Variants in EFL1 observed in about 807,000 individuals in gnomAD.
The protein encoded by EFL1 is elongation factor like GTPase 1.
EFL1 carries 76 observed loss-of-function variants against 126.7 expected under a neutral mutation model. The ratio of observed to expected loss-of-function variants is 0.60; its 90% CI spans 0.50 to 0.73. The LOEUF is 0.73. Among genes scored for constraint, EFL1 ranks in the 30% least tolerant of loss-of-function variants. The probability of loss-of-function intolerance (pLI) is 0.00; values close to 1 mark genes in which losing one functional copy is unlikely to be tolerated. For synonymous variants in EFL1, 410 were observed against 448.4 expected (o/e 0.91, Z 1.08); for missense variants, 1,128 against 1,343.2 (o/e 0.84, Z 2.50).
rs186266246 is a variant in EFL1 at position 82,254,101 on chromosome 15, C to T, written c.160-1326G>A. Reference sequence around the variant, plus strand: ...AAAGCTTCCATTTCCACAGCTCTGGCAAAATCAAAGTCCTAAAAGCTATCA... The same window carrying T: ...AAAGCTTCCATTTCCACAGCTCTGGTAAAATCAAAGTCCTAAAAGCTATCA... On this transcript the variant is annotated intron_variant, in intron 3 of 19. Coordinates refer to ENST00000268206, the MANE Select transcript of EFL1 (RefSeq NM_024580.6). 3.0e-3 allele frequency among the ~76,000 whole-genome samples: 453 copies of T among 152,302 alleles called. 5 individuals carry two copies. The highest frequency in any genetic ancestry group is 0.01 in the African/African-American group (428 of 41,552).
At chr15:82,203,204 C>T (rs1294918541) in intron 15 of EFL1, among the ~76,000 whole-genome samples, 2 of 152,214 alleles carry the variant, frequency 1.3e-5, no homozygotes, top group African/African-American at 4.8e-5. Flanking sequence ...GTCCACTACT[C>T]ATCTTAAGAA....
intron 7 of EFL1, 61 bp downstream of exon 7, chr15:82,238,246 A>G (rs2074894250): frequency 1.2e-5 from 18 of 1,548,680 alleles, no homozygotes; most frequent in Non-Finnish European, 1.4e-5. Flanking sequence ...AAGTTTCACT[A>G]AAAACAATCA....
chr15:82,206,087 C>T (rs939465966), intron 15 of EFL1, among the ~76,000 whole-genome samples: 10 of 152,040 alleles, frequency 6.6e-5, no homozygotes, highest in African/African-American at 1.5e-4. Context: ...ATCCACTAGT[C>T]GCAAAGCATT....
chr15:82,200,452 G>T (rs1235168784), intron 15 of EFL1, among the ~76,000 whole-genome samples: 2 of 152,118 alleles, frequency 1.3e-5, no homozygotes. Context: ...AGCAGCTTCT[G>T]GGGGGTAATC....
At chr15:82,241,662 C>A (rs1182771317) in intron 4 of EFL1, among the ~76,000 whole-genome samples, 1 of 152,224 alleles carries the variant, frequency 6.6e-6, no homozygotes, top group Non-Finnish European at 1.5e-5. Context: ...GAGCCAGCCA[C>A]TATGATACTC....
intron 16 of EFL1, among the ~76,000 whole-genome samples, chr15:82,159,640 G>C (rs928902960): frequency 5.5e-4 from 83 of 152,086 alleles, no homozygotes; most frequent in African/African-American, 2.0e-3. Flanking sequence ...TTCTTAACCT[G>C]TTCTTAAAAT....
intron 15 of EFL1, among the ~76,000 whole-genome samples, chr15:82,201,110 T>C (rs2074463253): frequency 6.6e-6 from 1 of 152,368 alleles, no homozygotes; most frequent in East Asian, 1.9e-4. Flanking sequence ...ATTTTAAACT[T>C]TGAAGAAAAT....
At chr15:82,169,813 G>A (rs994290336) in intron 15 of EFL1, among the ~76,000 whole-genome samples, 13 of 152,140 alleles carry the variant, frequency 8.5e-5, no homozygotes, top group South Asian at 4.2e-4. Context: ...CAGTTTTAAC[G>A]GCAAGGACCA....
chr15:82,211,603 C>A (rs1309848080), intron 15 of EFL1, among the ~76,000 whole-genome samples: 1 of 147,552 alleles, frequency 6.8e-6, no homozygotes, highest in Non-Finnish European at 1.5e-5. Context: ...TAGACACACA[C>A]ACACACACAC....
intron 11 of EFL1, 66 bp downstream of exon 11, chr15:82,227,384 C>G: frequency 6.2e-7 from 1 of 1,612,288 alleles, no homozygotes; most frequent in South Asian, 1.1e-5. Flanking sequence ...GCAAACTGGT[C>G]TAGAGCAGCC....
chr15:82,239,820 C>T (rs145332582), intron 6 of EFL1, among the ~76,000 whole-genome samples: 1,701 of 152,278 alleles, frequency 0.011, 42 homozygotes, highest in African/African-American at 0.039. Context: ...CATCTCAAGG[C>T]TTCCATTTTA....
chr15:82,175,964 A>G (rs900255452), intron 15 of EFL1, among the ~76,000 whole-genome samples: 1 of 152,200 alleles, frequency 6.6e-6, no homozygotes, highest in Admixed American at 6.5e-5. Flanking sequence ...TTTTAAAACC[A>G]AAAAATTATA....
At chr15:82,179,614 AT>A (rs550540641) in intron 15 of EFL1, among the ~76,000 whole-genome samples, 66 of 152,014 alleles carry the variant, frequency 4.3e-4, no homozygotes, top group African/African-American at 1.6e-3. Context: ...AGAAGGCTAT[AT>A]TTTCTAAGGC....
intron 18 of EFL1, among the ~76,000 whole-genome samples, chr15:82,147,560 T>A (rs1388049259): frequency 6.7e-6 from 1 of 148,602 alleles, no homozygotes; most frequent in Non-Finnish European, 1.5e-5. Context: ...GAGAATTGTT[T>A]GAACCTGGGA....
At chr15:82,140,336 TC>T in intron 18 of EFL1, among the ~76,000 whole-genome samples, 1 of 152,156 alleles carries the variant, frequency 6.6e-6, no homozygotes, top group East Asian at 1.9e-4. Context: ...AATGCTTTTT[TC>T]CCCCAATTTT....
chr15:82,150,099 G>C (rs1002073823), intron 18 of EFL1, among the ~76,000 whole-genome samples: 3 of 152,166 alleles, frequency 2.0e-5, no homozygotes, highest in African/African-American at 7.2e-5. Context: ...ATTCAAATAA[G>C]GTTGAAAAGC....
chr15:82,244,126 T>C (rs2074949836), intron 4 of EFL1, among the ~76,000 whole-genome samples: 1 of 152,126 alleles, frequency 6.6e-6, no homozygotes, highest in South Asian at 2.1e-4. Flanking sequence ...CCTCCTTCAA[T>C]GCCTTTTTCA....
intron 12 of EFL1, among the ~76,000 whole-genome samples, chr15:82,222,240 TC>T (rs2074719504): frequency 1.3e-5 from 2 of 152,180 alleles, no homozygotes; most frequent in Non-Finnish European, 1.5e-5. Context: ...GATATCGTAT[TC>T]CTATTCTACA....
intron 4 of EFL1, among the ~76,000 whole-genome samples, chr15:82,248,112 C>T (rs2074989919): frequency 6.6e-6 from 1 of 152,056 alleles, no homozygotes. Flanking sequence ...CAGAGTAATA[C>T]CCATCACAGA....
Sources: gnomAD v4.1 joint callset for allele counts (sites outside exome capture counted in the v4.1 genomes callset) on GRCh38, gnomAD v4.1.1 for gene constraint, MANE v1.5 for transcripts, NCBI Gene and HGNC (gene_info 2026-07-23, HGNC 2026-07-21) for gene names.